The following ANO4 variants were observed in gnomAD, a reference collection of about 807,000 sequenced individuals.
The protein encoded by ANO4 is anoctamin-4.
ANO4 carries 69 observed loss-of-function variants against 141.9 expected under a neutral mutation model. That is an observed-to-expected ratio of 0.49 (90% confidence interval 0.40 to 0.59). ANO4 has a LOEUF of 0.59. ANO4 is among the 20% of genes least tolerant of loss of function. ANO4 has a pLI of 0.00. For synonymous variants in ANO4, 350 were observed against 394.3 expected (o/e 0.89, Z 1.33); for missense variants, 894 against 1,162.2 (o/e 0.77, Z 3.36).
At chr12:101,101,405 A>G (rs1404746197) in intron 22 of ANO4, among the ~76,000 whole-genome samples, 1 of 152,134 alleles carries the variant, frequency 6.6e-6, no homozygotes, top group Non-Finnish European at 1.5e-5. Flanking sequence ...GTAGACCAGG[A>G]GCCAAATTAT....
intron 7 of ANO4, among the ~76,000 whole-genome samples, chr12:100,976,970 T>TG (rs1472151406): frequency 6.6e-6 from 1 of 152,132 alleles, no homozygotes; most frequent in Non-Finnish European, 1.5e-5. Context: ...CAGAGCACAT[T>TG]GGGGTCATAA....
At chr12:100,872,239 CAGCTTCCCTTTCCTAAG>C (rs1191299980) in intron 1 of ANO4, among the ~76,000 whole-genome samples, 15 of 152,294 alleles carry the variant, frequency 9.8e-5, no homozygotes, top group African/African-American at 3.6e-4. Context: ...CCTTTCCCTT[CAGCTTCCCTTTCCTAAG>C]ATAGACATAA....
intron 5 of ANO4, among the ~76,000 whole-genome samples, chr12:100,948,149 TCAAAAAA>T (rs2042811466): frequency 2.4e-5 from 1 of 41,962 alleles, no homozygotes; most frequent in African/African-American, 1.1e-4. Flanking sequence ...AGACTTCGTC[TCAAAAAA>T]AAAAAAAAAA....
chr12:101,085,984 C>T (rs2049477053), intron 16 of ANO4, among the ~76,000 whole-genome samples: 1 of 151,832 alleles, frequency 6.6e-6, no homozygotes, highest in Non-Finnish European at 1.5e-5. Context: ...CACATGACAA[C>T]ACGAAAAACA....
At chr12:100,724,567 A>T (rs1279167008) in intron 1 of ANO4, among the ~76,000 whole-genome samples, 1 of 152,258 alleles carries the variant, frequency 6.6e-6, no homozygotes, top group Non-Finnish European at 1.5e-5. Context: ...TTGTTTTATG[A>T]TAGTAACAAA....
At chr12:101,027,173 AGT>A (rs2046775723) in intron 9 of ANO4, among the ~76,000 whole-genome samples, 1 of 152,168 alleles carries the variant, frequency 6.6e-6, no homozygotes, top group Non-Finnish European at 1.5e-5. Context: ...GCAGTGAGTG[AGT>A]GTGGTACCCA....
At chr12:101,124,175 T>C (rs1352174199) in intron 26 of ANO4, among the ~76,000 whole-genome samples, 1 of 152,222 alleles carries the variant, frequency 6.6e-6, no homozygotes, top group Non-Finnish European at 1.5e-5. Flanking sequence ...TGGTGTAAGA[T>C]GGTATCTCAT....
chr12:100,757,223 A>G (rs1468290307), intron 3 of ANO4, among the ~76,000 whole-genome samples: 1 of 152,046 alleles, frequency 6.6e-6, no homozygotes, highest in Admixed American at 6.6e-5. Flanking sequence ...ATCTCCTTCT[A>G]TCCCCAATCT....
At chr12:100,895,728 A>C (rs2040318127) in intron 1 of ANO4, among the ~76,000 whole-genome samples, 1 of 151,586 alleles carries the variant, frequency 6.6e-6, no homozygotes, top group East Asian at 1.9e-4. Context: ...TGCCCAGCTA[A>C]TTTTTGTATT....
chr12:101,029,152 C>T (rs190097762), intron 9 of ANO4, among the ~76,000 whole-genome samples: 22 of 152,242 alleles, frequency 1.4e-4, no homozygotes, highest in African/African-American at 2.4e-4. Context: ...GTTACCCCCA[C>T]GCTGGCCTTG....
At chr12:100,961,151 AG>A (rs2043401365) in intron 5 of ANO4, among the ~76,000 whole-genome samples, 1 of 152,180 alleles carries the variant, frequency 6.6e-6, no homozygotes, top group Non-Finnish European at 1.5e-5. Context: ...GGGTCCAATT[AG>A]GGCCTATGCA....
intron 3 of ANO4, among the ~76,000 whole-genome samples, chr12:100,744,202 C>T (rs2032001073): frequency 6.6e-6 from 1 of 152,190 alleles, no homozygotes; most frequent in Non-Finnish European, 1.5e-5. Flanking sequence ...ATGGAACTTC[C>T]TTCTGGTAGC....
rs1254131538 is a variant in ANO4, at chr12:100,860,097, T to C, written c.-140-41549T>C. ...TGGACCCTCAAGTTGTATTTTTTCC[T>C]GCCACCAGGGCCTTTAAAGCCTTAC... On this transcript the variant is annotated intron_variant, in intron 1 of 27. Coordinates refer to ENST00000392977, the MANE Select transcript of ANO4 (RefSeq NM_001286615.2). Among the ~76,000 whole-genome samples, 4 of 152,152 alleles carry C rather than the reference T, an allele frequency of 2.6e-5. No homozygotes were observed. The East Asian group carries it at 5.8e-4, about 22-fold the overall frequency.
At chr12:101,008,932 G>T (rs540996656) in intron 8 of ANO4, among the ~76,000 whole-genome samples, 1 of 151,956 alleles carries the variant, frequency 6.6e-6, no homozygotes, top group Non-Finnish European at 1.5e-5. Flanking sequence ...CACTTTTGTG[G>T]CATCTTCTGT....
At chr12:101,046,515 A>G (rs1479576945) in intron 13 of ANO4, among the ~76,000 whole-genome samples, 1 of 152,150 alleles carries the variant, frequency 6.6e-6, no homozygotes, top group Non-Finnish European at 1.5e-5. Flanking sequence ...CATCACACAC[A>G]TACCAGTTCA....
intron 19 of ANO4, among the ~76,000 whole-genome samples, chr12:101,096,913 T>C (rs1197291782): frequency 2.0e-5 from 3 of 152,178 alleles, no homozygotes; most frequent in African/African-American, 7.2e-5. Context: ...CATTGAAAAC[T>C]TCTGGCCTCT....
At chr12:100,733,719 G>A in intron 1 of ANO4, 1 of 678,228 alleles carries the variant, frequency 1.5e-6, no homozygotes, top group Non-Finnish European at 2.7e-6. Flanking sequence ...TTACATTGTG[G>A]TCATGGTGTC....
chr12:101,099,511 C>T, intron 21 of ANO4, 67 bp from the exon 22 acceptor site: 3 of 1,439,644 alleles, frequency 2.1e-6, no homozygotes, highest in Non-Finnish European at 1.8e-6. Flanking sequence ...TCAAACTCTC[C>T]TTTTTCTTAT....
intron 14 of ANO4, among the ~76,000 whole-genome samples, chr12:101,062,690 G>GA (rs1389564518): frequency 2.0e-5 from 3 of 152,192 alleles, no homozygotes; most frequent in Non-Finnish European, 4.4e-5. Flanking sequence ...ACTGTGAGGG[G>GA]AAAATTACCT....
Sources: gnomAD v4.1 joint callset for allele counts (sites outside exome capture counted in the v4.1 genomes callset) on GRCh38, gnomAD v4.1.1 for gene constraint, MANE v1.5 for transcripts, NCBI Gene and HGNC (gene_info 2026-07-23, HGNC 2026-07-21) for gene names.